The following AQP9 variants were observed in gnomAD, a reference collection of about 807,000 sequenced individuals.
AQP9 encodes aquaporin 9, also known as aquaporin-9.
Under a neutral mutation model 23.8 loss-of-function variants are expected in AQP9, and 19 were observed. The observed-to-expected ratio is 0.80, with a 90% CI of 0.56 to 1.17. The LOEUF (loss-of-function observed/expected upper bound fraction) is 1.17, where lower values mean the gene tolerates loss of function less well. Among genes scored for constraint, AQP9 ranks in the 50% most tolerant of loss-of-function variants. AQP9 has a pLI of 0.00. For synonymous variants in AQP9, 153 were observed against 131.5 expected (o/e 1.16, Z -1.12); for missense variants, 413 against 362.0 (o/e 1.14, Z -1.14).
chr15:58,180,247 T>C (rs1898852131), intron 5 of AQP9, among the ~76,000 whole-genome samples: 1 of 152,316 alleles, frequency 6.6e-6, no homozygotes, highest in African/African-American at 2.4e-5. Context: ...TGGAGAAAAG[T>C]AGGAAAAACA....
At chr15:58,158,188 A>G (rs1309639975) in intron 1 of AQP9, among the ~76,000 whole-genome samples, 1 of 152,136 alleles carries the variant, frequency 6.6e-6, no homozygotes, top group Admixed American at 6.5e-5. Context: ...TGCAGATAGA[A>G]AAACCGATGC....
intron 1 of AQP9, among the ~76,000 whole-genome samples, chr15:58,148,602 C>T (rs2140590504): frequency 6.6e-6 from 1 of 152,330 alleles, no homozygotes; most frequent in African/African-American, 2.4e-5. Context: ...CTCAGAGTCA[C>T]AGTTATCCTG....
intron 1 of AQP9, among the ~76,000 whole-genome samples, chr15:58,145,239 A>C (rs1239159727): frequency 1.3e-5 from 2 of 151,872 alleles, no homozygotes; most frequent in African/African-American, 4.8e-5. Flanking sequence ...ACAATGGCTG[A>C]TGCCTGTAAT....
intron 2 of AQP9, among the ~76,000 whole-genome samples, chr15:58,168,014 C>T (rs549845969): frequency 7.2e-5 from 11 of 151,808 alleles, no homozygotes; most frequent in Admixed American, 3.3e-4. Flanking sequence ...TGTAAGCCAC[C>T]GCACCCTGCC....
rs1384027991 is a variant in AQP9, at chr15:58,184,962, C to A, written c.*827C>A. ...ATTTTCCTAATTGCCCACTTGAGAA[C>A]AGACATTTGACAAGTTATATCAACG... On this transcript the variant is annotated 3_prime_UTR_variant, in exon 6 of 6. Coordinates refer to ENST00000219919, the MANE Select transcript of AQP9 (RefSeq NM_020980.5). The A allele has an allele frequency of 6.6e-6, 1 of 152,300 alleles. No homozygotes were observed. 9.4% of individuals were successfully genotyped at this position (152,300 alleles called of 1,614,324 possible). A position where few individuals can be genotyped will look rare whatever the true frequency, so the allele number is the denominator to read the frequency against.
chr15:58,166,898 A>C (rs1898520271), intron 2 of AQP9, 99 bp downstream of exon 2: 95 of 1,417,646 alleles, frequency 6.7e-5, no homozygotes, highest in Non-Finnish European at 8.4e-5. Context: ...CTTATATCTC[A>C]AAAATCCTGC....
At chr15:58,177,672 G>T (rs190672986) in intron 4 of AQP9, among the ~76,000 whole-genome samples, 1 of 152,236 alleles carries the variant, frequency 6.6e-6, no homozygotes, top group Admixed American at 6.5e-5. Flanking sequence ...TATAAACTGA[G>T]AATAATAGCA....
In AQP9 at chr15:58,147,480, C is replaced by T. The variant is rs185344378; in HGVS notation, c.111+8804C>T. Among the ~76,000 whole-genome samples the T allele has an allele frequency of 5.9e-5, 9 of 152,332 alleles. No homozygotes were observed. In the East Asian group the frequency reaches 1.7e-3, roughly 29 times the overall value. On this transcript the variant is annotated intron_variant, in intron 1 of 5. Coordinates refer to ENST00000219919, the MANE Select transcript of AQP9 (RefSeq NM_020980.5). Reference sequence around the variant, plus strand: ...GTCTGGGGCAGGATTGCTGAGTTCACTGAAACTTCTAAGCAAAGCAAGTGA... The same window carrying T: ...GTCTGGGGCAGGATTGCTGAGTTCATTGAAACTTCTAAGCAAAGCAAGTGA...
At chr15:58,183,151 G>C (rs1173179466) in intron 5 of AQP9, among the ~76,000 whole-genome samples, 1 of 152,126 alleles carries the variant, frequency 6.6e-6, no homozygotes, top group Admixed American at 6.5e-5. Flanking sequence ...CATTTATCCT[G>C]AAGTTTTGTG....
chr15:58,160,849 G>A (rs1898363993), intron 1 of AQP9, among the ~76,000 whole-genome samples: 1 of 152,140 alleles, frequency 6.6e-6, no homozygotes, highest in African/African-American at 2.4e-5. Flanking sequence ...GTTTAGTTGG[G>A]GAAGGTGCAA....
chr15:58,184,096 G>T lies in AQP9; in HGVS notation c.849G>T (p.Glu283Asp), dbSNP rs1400904207. Reference sequence around the variant, plus strand: ...CAGTCTTTAAGACAGAACAATCTGAGGACAAACCAGAGAAATATGAACTCA... The same window carrying T: ...CAGTCTTTAAGACAGAACAATCTGATGACAAACCAGAGAAATATGAACTCA... Reference protein sequence around the residue: ...PDSVFKTEQSEDKPEKYELSV... With the variant: ...PDSVFKTEQSDDKPEKYELSV... The change falls in exon 6 of 6, where the codon GAG becomes GAT. Residue 283 changes from glutamate (E) to aspartate (D), a missense_variant. Transcript: ENST00000219919. 1.2e-6 allele frequency: 2 copies of T among 1,614,056 alleles called. No homozygotes were observed. Among genetic ancestry groups the T allele is most frequent in the Non-Finnish European group, 8.5e-7 (1 of 1,179,976 alleles).
At chr15:58,138,319 TGGGGATTTC>T, upstream of AQP9, 1 of 374,654 alleles carries the variant, frequency 2.7e-6, no homozygotes, top group Non-Finnish European at 4.9e-6. Flanking sequence ...GGGATTGTTT[TGGGGATTTC>T]GGGTTCTAAG....
At chr15:58,141,348 A>G (rs1422355526) in intron 1 of AQP9, among the ~76,000 whole-genome samples, 1 of 152,246 alleles carries the variant, frequency 6.6e-6, no homozygotes, top group African/African-American at 2.4e-5. Context: ...GTGGAAGGAC[A>G]GCTTTCCAGG....
At chr15:58,145,780 T>C (rs1290711329) in intron 1 of AQP9, among the ~76,000 whole-genome samples, 1 of 152,238 alleles carries the variant, frequency 6.6e-6, no homozygotes, top group African/African-American at 2.4e-5. Flanking sequence ...TCTGTCTCCT[T>C]ATTCTTGCAG....
At chr15:58,142,026 T>C (rs1443686128) in intron 1 of AQP9, among the ~76,000 whole-genome samples, 1 of 152,158 alleles carries the variant, frequency 6.6e-6, no homozygotes, top group East Asian at 1.9e-4. Flanking sequence ...GGTGGGCAGA[T>C]ATCACTGGCC....
At chr15:58,160,237 T>G (rs747698686) in intron 1 of AQP9, among the ~76,000 whole-genome samples, 8 of 145,600 alleles carry the variant, frequency 5.5e-5, no homozygotes, top group Non-Finnish European at 1.2e-4. Context: ...ATTTCTCTGA[T>G]AGTTAATGAT....
intron 1 of AQP9, among the ~76,000 whole-genome samples, chr15:58,162,908 A>C (rs1405739470): frequency 6.6e-6 from 1 of 152,208 alleles, no homozygotes; most frequent in African/African-American, 2.4e-5. Flanking sequence ...CTGATTCATA[A>C]TCAAAATAAA....
At chr15:58,166,628 C>G in intron 1 of AQP9, 45 bp from the exon 2 acceptor site, 2 of 1,557,858 alleles carry the variant, frequency 1.3e-6, no homozygotes, top group Non-Finnish European at 1.7e-6. Flanking sequence ...TTACTTTTGA[C>G]AGTAGCCATC....
intron 1 of AQP9, among the ~76,000 whole-genome samples, chr15:58,148,537 G>C (rs1898090654): frequency 6.6e-6 from 1 of 152,176 alleles, no homozygotes; most frequent in Non-Finnish European, 1.5e-5. Context: ...GCACTGTTGG[G>C]CCCTGTGGGT....
Sources: allele counts gnomAD v4.1 joint callset (sites outside exome capture counted in the v4.1 genomes callset), GRCh38; gene constraint gnomAD v4.1.1; transcripts MANE v1.5; gene names NCBI Gene and HGNC (gene_info 2026-07-23, HGNC 2026-07-21).